CHSY3: variants seen among roughly 807,000 people sequenced by gnomAD.
The protein encoded by CHSY3 is N-acetylgalactosaminyl-proteoglycan 3-beta-glucuronosyltransferase 3.
A neutral mutation model predicts 67.2 loss-of-function variants in CHSY3; 35 were observed. The ratio of observed to expected loss-of-function variants is 0.52; its 90% CI spans 0.40 to 0.69. CHSY3 has a LOEUF of 0.69. Among genes scored for constraint, CHSY3 ranks in the 30% least tolerant of loss-of-function variants. The pLI, the probability that CHSY3 is intolerant of heterozygous loss-of-function variation, is 0.00. For missense variants in CHSY3, 1,069 were observed against 1,138.5 expected (o/e 0.94, Z 0.88); for synonymous variants, 474 against 434.7 (o/e 1.09, Z -1.12).
At chr5:129,915,715 T>C (rs1354488794) in intron 2 of CHSY3, among the ~76,000 whole-genome samples, 1 of 152,148 alleles carries the variant, frequency 6.6e-6, no homozygotes, top group Non-Finnish European at 1.5e-5. Context: ...TTAAAGAAAT[T>C]AATATGTGTA....
chr5:130,133,558 G>A (rs1480153685), intron 2 of CHSY3, among the ~76,000 whole-genome samples: 3 of 151,832 alleles, frequency 2.0e-5, no homozygotes, highest in Non-Finnish European at 4.4e-5. Flanking sequence ...TATCACTTGA[G>A]ATCAGGAGTT....
chr5:130,046,770 A>G (rs1443088180), intron 2 of CHSY3, among the ~76,000 whole-genome samples: 1 of 152,086 alleles, frequency 6.6e-6, no homozygotes, highest in East Asian at 1.9e-4. Flanking sequence ...TCAGCATTTC[A>G]GTTTTTTTAA....
At chr5:129,968,870 A>G (rs533257691) in intron 2 of CHSY3, among the ~76,000 whole-genome samples, 4 of 151,954 alleles carry the variant, frequency 2.6e-5, no homozygotes, top group African/African-American at 9.6e-5. Flanking sequence ...TTGTTAATGC[A>G]GATTTCTTGG....
In CHSY3 at chr5:130,135,736, C is replaced by T. The variant is rs766476711; in HGVS notation, c.1087-48493C>T. Among the ~76,000 whole-genome samples the T allele has an allele frequency of 3.4e-4, 51 of 152,210 alleles. 2 individuals carry two copies. Among genetic ancestry groups the T allele is most frequent in the Non-Finnish European group, 3.8e-4 (26 of 67,994 alleles). ...TCATGACTCATATCTCTGGAAATAA[C>T]TCCGTGTGTCTCAGTGGGGACCATG... On this transcript the variant is annotated intron_variant, in intron 2 of 2. Transcript: ENST00000305031.
At chr5:130,156,887 A>G (rs1769388269) in intron 2 of CHSY3, among the ~76,000 whole-genome samples, 1 of 152,228 alleles carries the variant, frequency 6.6e-6, no homozygotes, top group Non-Finnish European at 1.5e-5. Flanking sequence ...TTCTGTGTGA[A>G]GACTCTCTTA....
At chr5:130,034,732 C>T (rs1446930616) in intron 2 of CHSY3, among the ~76,000 whole-genome samples, 1 of 152,154 alleles carries the variant, frequency 6.6e-6, no homozygotes, top group East Asian at 1.9e-4. Context: ...ACAGGGAGCA[C>T]TGATGTGATG....
chr5:129,939,093 A>G (rs1034796692), intron 2 of CHSY3, among the ~76,000 whole-genome samples: 1 of 152,168 alleles, frequency 6.6e-6, no homozygotes, highest in Non-Finnish European at 1.5e-5. Context: ...GGAAACTTAC[A>G]ATCATGCCAG....
rs148335059 is a variant in CHSY3, at chr5:129,953,197, T to A, written c.1086+44837T>A. ...TCCTGTGTCCATGTGTTCTTATTGTTCAACTCCCACTAATGAGTGAGAACA... is the reference window on the plus strand; with the variant it reads ...TCCTGTGTCCATGTGTTCTTATTGTACAACTCCCACTAATGAGTGAGAACA... On this transcript the variant is annotated intron_variant, in intron 2 of 2. Coordinates refer to ENST00000305031, the MANE Select transcript of CHSY3 (RefSeq NM_175856.5). 8.9e-3 allele frequency among the ~76,000 whole-genome samples: 1,356 copies of A among 152,266 alleles called. 14 individuals carry two copies. The highest frequency in any genetic ancestry group is 0.03 in the African/African-American group (1,257 of 41,544).
chr5:130,077,666 T>G (rs1488947752), intron 2 of CHSY3, among the ~76,000 whole-genome samples: 1 of 152,038 alleles, frequency 6.6e-6, no homozygotes, highest in Non-Finnish European at 1.5e-5. Context: ...AAATGGAAAT[T>G]TGAACTTATC....
At chr5:129,980,606 A>T (rs1762953010) in intron 2 of CHSY3, among the ~76,000 whole-genome samples, 2 of 152,166 alleles carry the variant, frequency 1.3e-5, no homozygotes, top group Non-Finnish European at 2.9e-5. Context: ...CACAGAGCAT[A>T]AGTTTTTAAA....
chr5:129,974,178 G>C (rs1017737092), intron 2 of CHSY3, among the ~76,000 whole-genome samples: 1 of 152,138 alleles, frequency 6.6e-6, no homozygotes, highest in Non-Finnish European at 1.5e-5. Context: ...AATTGGAAGG[G>C]ATGCCTTTGA....
At chr5:130,121,338 T>C (rs996608131) in intron 2 of CHSY3, among the ~76,000 whole-genome samples, 1 of 152,192 alleles carries the variant, frequency 6.6e-6, no homozygotes, top group African/African-American at 2.4e-5. Context: ...CTGTATTTCA[T>C]ACACACTAGA....
chr5:130,064,738 G>T (rs1765828213), intron 2 of CHSY3, among the ~76,000 whole-genome samples: 1 of 152,118 alleles, frequency 6.6e-6, no homozygotes, highest in Admixed American at 6.6e-5. Context: ...CAAGTGATTT[G>T]CAGGGTCTAG....
chr5:130,164,873 A>C (rs940988518), intron 2 of CHSY3, among the ~76,000 whole-genome samples: 3 of 152,210 alleles, frequency 2.0e-5, no homozygotes, highest in Non-Finnish European at 4.4e-5. Context: ...TGATTTAGTC[A>C]GAGAAAGTGT....
intron 2 of CHSY3, among the ~76,000 whole-genome samples, chr5:129,947,084 C>A (rs1220066327): frequency 6.6e-6 from 1 of 152,148 alleles, no homozygotes; most frequent in Non-Finnish European, 1.5e-5. Flanking sequence ...ACTCACATTT[C>A]AGCATGGCTG....
At chr5:130,114,844 C>G (rs1441081642) in intron 2 of CHSY3, among the ~76,000 whole-genome samples, 1 of 152,114 alleles carries the variant, frequency 6.6e-6, no homozygotes, top group Non-Finnish European at 1.5e-5. Flanking sequence ...TTGTCCCTTT[C>G]CTGGTACCTG....
At chr5:130,099,815 G>A (rs1767169835) in intron 2 of CHSY3, among the ~76,000 whole-genome samples, 1 of 152,150 alleles carries the variant, frequency 6.6e-6, no homozygotes, top group South Asian at 2.1e-4. Flanking sequence ...TAATATGTCA[G>A]TCCCTTAAAG....
At chr5:130,092,361 C>A (rs1255054845) in intron 2 of CHSY3, among the ~76,000 whole-genome samples, 1 of 152,164 alleles carries the variant, frequency 6.6e-6, no homozygotes, top group East Asian at 1.9e-4. Context: ...TACTAATAAG[C>A]TAGACCTGCA....
At chr5:129,939,071 G>T (rs1189301828) in intron 2 of CHSY3, among the ~76,000 whole-genome samples, 1 of 152,112 alleles carries the variant, frequency 6.6e-6, no homozygotes, top group Non-Finnish European at 1.5e-5. Flanking sequence ...TTCTGCTCTT[G>T]GGGAGCCCTC....
Sources: allele counts gnomAD v4.1 joint callset (sites outside exome capture counted in the v4.1 genomes callset), GRCh38; gene constraint gnomAD v4.1.1; transcripts MANE v1.5; gene names NCBI Gene and HGNC (gene_info 2026-07-23, HGNC 2026-07-21).